R3HDM2: variants seen among roughly 807,000 people sequenced by gnomAD.
The protein encoded by R3HDM2 is R3H domain containing 2.
Under a neutral mutation model 124.5 loss-of-function variants are expected in R3HDM2, and 38 were observed. The observed-to-expected ratio is 0.31, with a 90% CI of 0.24 to 0.40. The LOEUF is 0.40. R3HDM2 is among the 10% of genes least tolerant of loss of function. The probability of loss-of-function intolerance (pLI) is 1.00; values close to 1 mark genes in which losing one functional copy is unlikely to be tolerated. For synonymous variants in R3HDM2, 391 were observed against 448.0 expected, an observed-to-expected ratio of 0.87 and a Z score of 1.61; for missense variants, 869 against 1,236.9, an observed-to-expected ratio of 0.70 and a Z score of 4.46.
intron 15 of R3HDM2, 138 bp downstream of exon 15, chr12:57,269,614 C>G (rs2043164941): frequency 1.4e-6 from 2 of 1,465,054 alleles, no homozygotes; most frequent in South Asian, 2.7e-5. Context: ...AGAAAGAAGA[C>G]TTTCTGGCTA....
chr12:57,399,440 C>T (rs1165077524), intron 1 of R3HDM2, among the ~76,000 whole-genome samples: 1 of 151,956 alleles, frequency 6.6e-6, no homozygotes, highest in Non-Finnish European at 1.5e-5. Flanking sequence ...TTAATAATGA[C>T]CCCGTCACCA....
chr12:57,423,382 C>T (rs1379345791), intron 1 of R3HDM2, among the ~76,000 whole-genome samples: 2 of 151,822 alleles, frequency 1.3e-5, no homozygotes, highest in Non-Finnish European at 2.9e-5. Context: ...CGACATCATG[C>T]CACTGCACTC....
chr12:57,256,978 G>A (rs2039245466), intron 21 of R3HDM2, among the ~76,000 whole-genome samples: 1 of 152,088 alleles, frequency 6.6e-6, no homozygotes, highest in Non-Finnish European at 1.5e-5. Context: ...ACCACGCCTG[G>A]CTAATTTTTT....
intron 19 of R3HDM2, among the ~76,000 whole-genome samples, chr12:57,264,941 A>G (rs1054373623): frequency 6.6e-6 from 1 of 152,144 alleles, no homozygotes; most frequent in African/African-American, 2.4e-5. Context: ...ACAGTCCCCT[A>G]AAGTTTCTTT....
At chr12:57,329,694 T>C (rs1288309953) in intron 2 of R3HDM2, among the ~76,000 whole-genome samples, 1 of 151,870 alleles carries the variant, frequency 6.6e-6, no homozygotes, top group Non-Finnish European at 1.5e-5. Flanking sequence ...GGAGAATCGC[T>C]TGAACCAGGA....
intron 12 of R3HDM2, among the ~76,000 whole-genome samples, chr12:57,287,286 G>A (rs762500387): frequency 1.3e-5 from 2 of 152,190 alleles, no homozygotes; most frequent in Admixed American, 6.5e-5. Context: ...ACACATAGGA[G>A]TTGGTTTAAA....
In R3HDM2 at chr12:57,268,363, G is replaced by A; in HGVS notation, c.1970C>T (p.Pro657Leu). 2 of 1,614,126 alleles carry A rather than the reference G, an allele frequency of 1.2e-6. No homozygotes were observed. Among genetic ancestry groups the A allele is most frequent in the Non-Finnish European group, 1.7e-6 (2 of 1,180,014 alleles). ...ATAGTACACTGGTACCCCCGCTGCT[G>A]GGAGGCCTCCTTGCACAGACTGGCT... is the stretch of plus-strand genomic sequence containing the variant. ...PVSQSVQGGL[P>L]AAGVPVYYSM... Residue 657 changes from proline to leucine, a missense_variant, in exon 18 of 24, where the codon CCA becomes CTA. Physicochemically the swap from Pro to Leu is moderately conservative, Grantham distance 98. Transcript: ENST00000402412.
chr12:57,385,268 A>C (rs1368852321), intron 2 of R3HDM2, among the ~76,000 whole-genome samples: 2 of 144,294 alleles, frequency 1.4e-5, no homozygotes, highest in Admixed American at 1.4e-4. Flanking sequence ...TTTGAGACGG[A>C]GTCTCACTCT....
intron 2 of R3HDM2, among the ~76,000 whole-genome samples, chr12:57,348,483 C>G (rs1349196256): frequency 6.6e-6 from 1 of 151,924 alleles, no homozygotes; most frequent in African/African-American, 2.4e-5. Flanking sequence ...CACCTGAGGT[C>G]AGGAGCTCAA....
Position 57,256,485 on chromosome 12 carries a change from G to A in R3HDM2, c.2476C>T (p.Gln826Ter). 1 of 1,591,726 alleles carries A rather than the reference G, an allele frequency of 6.3e-7. No individual in the cohort carries two copies. Among genetic ancestry groups the A allele is most frequent in the African/African-American group, 1.3e-5 (1 of 74,516 alleles). ...QGDGRYSLLG[Q>*]PLQYNLSICP... is the part of the protein sequence containing the mutation. Reference sequence around the variant, plus strand: ...ATGGACAGATTGTACTGTAATGGCTGGCCCAAAAGGGAGTAGCGCCCATCA... The same window carrying A: ...ATGGACAGATTGTACTGTAATGGCTAGCCCAAAAGGGAGTAGCGCCCATCA... The change falls in exon 22 of 24, where the codon CAG (glutamine) becomes TAG (stop). Residue 826 changes from glutamine (Q) to a stop codon, truncating the protein, a stop_gained. Transcript: ENST00000402412. LOFTEE classifies it high-confidence loss of function.
rs992281418 is a variant in R3HDM2 at position 57,321,835 on chromosome 12, C to T, written c.-35-11372G>A. 3.3e-5 allele frequency among the ~76,000 whole-genome samples: 5 copies of T among 152,226 alleles called. No individual in the cohort carries two copies. The South Asian group carries it at 1.0e-3, about 32-fold the overall frequency. On this transcript the variant is annotated intron_variant, in intron 2 of 23. Transcript: ENST00000402412. Reference sequence around the variant, plus strand: ...TGATCACAATCAGAAAATGATTGCTCAGGACTTGACTGGAAAGAGAAAGAA... The same window carrying T: ...TGATCACAATCAGAAAATGATTGCTTAGGACTTGACTGGAAAGAGAAAGAA...
Position 57,382,541 on chromosome 12 carries a change from C to CAAAAA in R3HDM2, c.-36+13203_-36+13207dup, listed in dbSNP as rs1222419669. Among the ~76,000 whole-genome samples the CAAAAA allele has an allele frequency of 1.2e-4, 5 of 40,120 alleles. 1 individual carries two copies. The highest frequency in any genetic ancestry group is 8.8e-4 in the South Asian group (1 of 1,136). The allele number at this position is 40,120 out of a possible 152,430, so 26.3% of individuals were successfully genotyped here. ...GGATGAAAGGCGTGAGCCCAGCCTA[C>CAAAAA]AAAAAAAAAAAAAAAAAAAAAGGGC... On this transcript the variant is annotated intron_variant, in intron 2 of 23. Transcript: ENST00000402412.
In R3HDM2 at chr12:57,428,323, C is replaced by G. The variant is rs183010724; in HGVS notation, c.-106+2397G>C. Reference sequence around the variant, plus strand: ...GTTAGGGGAAAAGGGTGCCACAGATCTAGAGCTTTAAAGCTAAGATTGGTT... The same window carrying G: ...GTTAGGGGAAAAGGGTGCCACAGATGTAGAGCTTTAAAGCTAAGATTGGTT... On this transcript the variant is annotated intron_variant, in intron 1 of 23. Transcript: ENST00000402412. Among the ~76,000 whole-genome samples the G allele has an allele frequency of 4.6e-5, 7 of 152,090 alleles. No homozygotes were observed. The East Asian group carries it at 1.4e-3, about 29-fold the overall frequency.
chr12:57,268,457 C>T lies in R3HDM2; in HGVS notation c.1876G>A (p.Val626Ile). 6.2e-7 allele frequency: 1 copy of T among 1,613,656 alleles called. No homozygotes were observed. Among genetic ancestry groups the T allele is most frequent in the Non-Finnish European group, 8.5e-7 (1 of 1,179,800 alleles). The change falls in exon 18 of 24, where the codon GTT (valine) becomes ATT (isoleucine). Residue 626 changes from valine (V) to isoleucine (I), a missense_variant and splice_region_variant. Around this residue, in one of 2 missense-constraint regions of R3HDM2, gnomAD observed 602 missense variants for 789.2 expected, o/e 0.76. Coordinates refer to ENST00000402412, the MANE Select transcript of R3HDM2 (RefSeq NM_001394031.1). ...TTTTGCGAGTCACTACCCACTGGAA[C>T]CTGGGTGAGAAAGAGAAGAGAAAGA... ...VQYTPLPSYQ[V>I]PVGSDSQNVV...
intron 10 of R3HDM2, among the ~76,000 whole-genome samples, chr12:57,294,214 A>T: frequency 6.6e-6 from 1 of 152,166 alleles, no homozygotes; most frequent in East Asian, 1.9e-4. Context: ...AACGTCACAG[A>T]CAGAAAGTAC....
Position 57,283,816 on chromosome 12 carries a change from T to C in R3HDM2, c.1171+8A>G, listed in dbSNP as rs753985835. On this transcript the variant is annotated splice_region_variant and intron_variant, in intron 13 of 23. Transcript: ENST00000402412. ...GGGTATGACATGGAAGAAAAGAAGC[T>C]GTAATACCTGGCCTGGAGATCCTTC... 2.5e-6 allele frequency: 4 copies of C among 1,612,866 alleles called. No individual in the cohort carries two copies. The highest frequency in any genetic ancestry group is 1.3e-5 in the African/African-American group (1 of 74,872).
At chr12:57,288,288 G>A (rs1020623254) in intron 12 of R3HDM2, among the ~76,000 whole-genome samples, 1 of 151,998 alleles carries the variant, frequency 6.6e-6, no homozygotes, top group Admixed American at 6.6e-5. Context: ...ACAGGCGTGA[G>A]TCACCGCGCC....
In R3HDM2 at chr12:57,253,961, C is replaced by G. The variant is rs2038173286; in HGVS notation, c.*812G>C. The G allele has an allele frequency of 2.9e-6, 1 of 349,584 alleles. No individual in the cohort carries two copies. Among genetic ancestry groups the G allele is most frequent in the South Asian group, 2.3e-5 (1 of 43,686 alleles). 21.7% of individuals were successfully genotyped at this position (349,584 alleles called of 1,614,324 possible). A position where few individuals can be genotyped will look rare whatever the true frequency, so the allele number is the denominator to read the frequency against. On this transcript the variant is annotated 3_prime_UTR_variant, in exon 24 of 24. Transcript: ENST00000402412. Reference sequence around the variant, plus strand: ...ACAATATACAAGTGTTCTGGGGGGGCCAGGGGAATCCCAAGTTTTAACTCT... The same window carrying G: ...ACAATATACAAGTGTTCTGGGGGGGGCAGGGGAATCCCAAGTTTTAACTCT...
At chr12:57,300,911 G>T (rs1442538543) in intron 4 of R3HDM2, among the ~76,000 whole-genome samples, 1 of 151,920 alleles carries the variant, frequency 6.6e-6, no homozygotes, top group Non-Finnish European at 1.5e-5. Context: ...CACAGTCTGG[G>T]CAACATAGTG....
Sources: gnomAD v4.1 joint callset for allele counts (sites outside exome capture counted in the v4.1 genomes callset) on GRCh38, gnomAD v4.1.1 for gene constraint, gnomAD v4.1.1 regional missense constraint, MANE v1.5 for transcripts, NCBI Gene and HGNC (gene_info 2026-07-23, HGNC 2026-07-21) for gene names.